Variants in HOOK2 observed in about 807,000 individuals in gnomAD.
HOOK2 encodes the protein hook microtubule tethering protein 2.
A neutral mutation model predicts 111.9 loss-of-function variants in HOOK2; 108 were observed. The ratio of observed to expected loss-of-function variants is 0.96; its 90% CI spans 0.83 to 1.13. The LOEUF (loss-of-function observed/expected upper bound fraction) is 1.13, where lower values mean the gene tolerates loss of function less well. Ranked by LOEUF, HOOK2 falls within the 50% of genes most tolerant of loss-of-function variation. The pLI, the probability that HOOK2 is intolerant of heterozygous loss-of-function variation, is 0.00. For missense variants in HOOK2, 978 were observed against 951.3 expected (o/e 1.03, Z -0.37); for synonymous variants, 405 against 394.3 (o/e 1.03, Z -0.32).
chr19:12,783,643 C>T (rs1968628833), intron 3 of HOOK2, among the ~76,000 whole-genome samples: 1 of 152,024 alleles, frequency 6.6e-6, no homozygotes, highest in South Asian at 2.1e-4. Context: ...CTGTCTCTGC[C>T]CTCATTGCTG....
In HOOK2 at chr19:12,774,749, C is replaced by A; in HGVS notation, c.132-8G>T. The A allele has an allele frequency of 1.9e-6, 3 of 1,613,842 alleles. No individual in the cohort carries two copies. The Middle Eastern group carries it at 4.9e-4, about 266-fold the overall frequency. ...TTGAACCAGGAGGGGTCTCTGGGGG[C>A]GAGAAGGTGGGATGAGCAGACTGGG... On this transcript the variant is annotated splice_region_variant and splice_polypyrimidine_tract_variant and intron_variant, in intron 2 of 22. Transcript: ENST00000397668.
chr19:12,771,416 C>T lies in HOOK2; in HGVS notation c.581G>A (p.Cys194Tyr). 1.9e-6 allele frequency: 3 copies of T among 1,613,758 alleles called. No individual in the cohort carries two copies. The highest frequency in any genetic ancestry group is 2.5e-6 in the Non-Finnish European group (3 of 1,179,864). The change falls in exon 8 of 23, where the codon TGT becomes TAT. Residue 194 changes from cysteine (C) to tyrosine (Y), a missense_variant. Physicochemically the swap from Cys to Tyr is radical, Grantham distance 194 (BLOSUM62 -2). Around this residue, in one of 5 missense-constraint regions of HOOK2, gnomAD observed 301 missense variants for 286.1 expected, o/e 1.05. Coordinates refer to ENST00000397668, the MANE Select transcript of HOOK2 (RefSeq NM_013312.3). ...CCCTACCTGCCGCTCCAGATCCAGA[C>T]AGCGCTGCTGTAATTCGTCCCCCTC... ...AEEGDELQQR[C>Y]LDLERQLMLL... is the part of the protein sequence containing the mutation.
chr19:12,770,046 C>A lies in HOOK2; in HGVS notation c.939G>T (p.Thr313=), dbSNP rs1043967877. ...SSERAGQLEA[T]LTSCRRRLGE... ...CCAAGCGGCGCCGGCAACTGGTCAG[C>A]GTGGCCTCCAGCTGCCCAGCACGCT... The change falls in exon 11 of 23, where the codon ACG becomes ACT. Residue 313 remains threonine, a synonymous_variant. Transcript: ENST00000397668. The A allele has an allele frequency of 2.6e-6, 4 of 1,537,986 alleles. No homozygotes were observed. Among genetic ancestry groups the A allele is most frequent in the Non-Finnish European group, 2.6e-6 (3 of 1,145,518 alleles).
intron 1 of HOOK2, 155 bp downstream of exon 1, chr19:12,775,250 G>T: frequency 1.0e-6 from 1 of 980,586 alleles, no homozygotes; most frequent in Non-Finnish European, 1.2e-6. Flanking sequence ...GCCACGTGAC[G>T]GGGGCGGGTG....
intron 20 of HOOK2, chr19:12,764,216 T>C (rs1968082387): frequency 5.9e-6 from 1 of 168,764 alleles, no homozygotes; most frequent in African/African-American, 2.4e-5. Flanking sequence ...GGTTTCGCCA[T>C]GTTGGCCAGG....
At position 12,768,103 on chromosome 19, in the gene HOOK2, C is replaced by T; in HGVS notation, c.1125G>A (p.Gln375=). ...CGGCCTTCATGGCCTCCTCCTGCCGCTGGCCCTGCAGTTCCTGCACCTGAA... is the reference window on the plus strand; with the variant it reads ...CGGCCTTCATGGCCTCCTCCTGCCGTTGGCCCTGCAGTTCCTGCACCTGAA... ...QRRQVQELQG[Q]RQEEAMKAEK... Residue 375 remains glutamine, a synonymous_variant, in exon 12 of 23, where the codon CAG becomes CAA. Coordinates refer to ENST00000397668, the MANE Select transcript of HOOK2 (RefSeq NM_013312.3). 6.2e-7 allele frequency: 1 copy of T among 1,614,168 alleles called. No individual in the cohort carries two copies.
At chr19:12,776,796 C>T (rs1968526029), upstream of HOOK2, among the ~76,000 whole-genome samples, 1 of 151,602 alleles carries the variant, frequency 6.6e-6, no homozygotes, top group Non-Finnish European at 1.5e-5. Flanking sequence ...TGCAGTGAGC[C>T]GTGATAGGGC....
At chr19:12,792,312 G>C in intron 3 of HOOK2, 1 of 1,512,416 alleles carries the variant, frequency 6.6e-7, no homozygotes, top group Non-Finnish European at 8.9e-7. Flanking sequence ...GCCACCTCCC[G>C]TTTACACCAA....
chr19:12,773,070 C>A, intron 3 of HOOK2, 26 bp from the exon 4 acceptor site: 1 of 1,613,148 alleles, frequency 6.2e-7, no homozygotes, highest in South Asian at 1.1e-5. Context: ...GAACTGTGGA[C>A]AAGTTCAGAG....
chr19:12,766,564 G>T (rs910847315), intron 14 of HOOK2: 16 of 346,206 alleles, frequency 4.6e-5, no homozygotes, highest in African/African-American at 8.5e-5. Context: ...GGGTTTTTTT[G>T]TTTGTTTGTT....
chr19:12,772,585 C>T, intron 6 of HOOK2, 28 bp downstream of exon 6: 1 of 1,611,576 alleles, frequency 6.2e-7, no homozygotes, highest in South Asian at 1.1e-5. Flanking sequence ...TGACATTTTC[C>T]AATTGCACAC....
intron 11 of HOOK2, among the ~76,000 whole-genome samples, chr19:12,769,283 G>C (rs1455937220): frequency 6.6e-6 from 1 of 152,070 alleles, no homozygotes; most frequent in East Asian, 1.9e-4. Flanking sequence ...CTATTTTTAA[G>C]TAGAGACAGG....
At chr19:12,789,632 G>C (rs1038106581) in intron 3 of HOOK2, among the ~76,000 whole-genome samples, 4 of 151,878 alleles carry the variant, frequency 2.6e-5, no homozygotes, top group Admixed American at 2.6e-4. Flanking sequence ...CCCAGGCGCC[G>C]GGGGCGCCTC....
At position 12,775,461 on chromosome 19, in the gene HOOK2, G is replaced by C; in HGVS notation, c.-12C>G. 6.2e-7 allele frequency: 1 copy of C among 1,610,880 alleles called. No homozygotes were observed. Among genetic ancestry groups the C allele is most frequent in the Non-Finnish European group, 8.5e-7 (1 of 1,178,982 alleles). ...TTGTCCACGCTCATGGCTCCCGATCGGATTCAATCCAGGCCACGGAGCCCC... is the reference window on the plus strand; with the variant it reads ...TTGTCCACGCTCATGGCTCCCGATCCGATTCAATCCAGGCCACGGAGCCCC... On this transcript the variant is annotated 5_prime_UTR_variant, in exon 1 of 23. Coordinates refer to ENST00000397668, the MANE Select transcript of HOOK2 (RefSeq NM_013312.3).
intron 3 of HOOK2, chr19:12,792,208 T>C: frequency 6.4e-7 from 1 of 1,555,738 alleles, no homozygotes; most frequent in Non-Finnish European, 8.7e-7. Flanking sequence ...CTGGACGATC[T>C]GCACAAGATG....
chr19:12,782,135 C>T (rs930659125), upstream of HOOK2, among the ~76,000 whole-genome samples: 1 of 152,214 alleles, frequency 6.6e-6, no homozygotes, highest in Non-Finnish European at 1.5e-5. Flanking sequence ...AGATTACAGG[C>T]CTGAGCCACT....
intron 14 of HOOK2, chr19:12,766,739 A>G: frequency 6.4e-6 from 1 of 156,818 alleles, no homozygotes; most frequent in Non-Finnish European, 1.4e-5. Flanking sequence ...GCGTGCCACC[A>G]CACCCGGCTA....
upstream of HOOK2, among the ~76,000 whole-genome samples, chr19:12,781,842 T>G (rs1968605686): frequency 7.0e-6 from 1 of 142,584 alleles, no homozygotes; most frequent in South Asian, 2.2e-4. Flanking sequence ...CCTGTTCCTG[T>G]TTTTTTTTTT....
intron 18 of HOOK2, 86 bp downstream of exon 18, chr19:12,765,604 C>T: frequency 6.6e-7 from 1 of 1,505,286 alleles, no homozygotes; most frequent in Non-Finnish European, 9.2e-7. Flanking sequence ...AAAAAATCAG[C>T]CAGGCATGGT....
Sources: gnomAD v4.1 joint callset for allele counts (sites outside exome capture counted in the v4.1 genomes callset) on GRCh38, gnomAD v4.1.1 for gene constraint, gnomAD v4.1.1 regional missense constraint, MANE v1.5 for transcripts, NCBI Gene and HGNC (gene_info 2026-07-23, HGNC 2026-07-21) for gene names.